NAV3: variants seen among roughly 807,000 people sequenced by gnomAD.
NAV3 encodes pore membrane and/or filament interacting like protein 1.
NAV3 carries 87 observed loss-of-function variants against 244.7 expected under a neutral mutation model. That is an observed-to-expected ratio of 0.36 (90% CI 0.30 to 0.42). NAV3 has a LOEUF of 0.42. Ranked by LOEUF, NAV3 falls within the 20% of genes least tolerant of loss-of-function variation. The pLI is 1.00. For missense variants in NAV3, 2,663 were observed against 2,893.3 expected (o/e 0.92, Z 1.83); for synonymous variants, 1,126 against 1,042.2 (o/e 1.08, Z -1.55).
At chr12:77,820,826 A>G (rs762594576) in intron 2 of NAV3, among the ~76,000 whole-genome samples, 3 of 152,196 alleles carry the variant, frequency 2.0e-5, no homozygotes, top group Non-Finnish European at 4.4e-5. Flanking sequence ...AAATGGTGCC[A>G]TAAGATTTCC....
intron 1 of NAV3, among the ~76,000 whole-genome samples, chr12:77,847,448 T>G (rs1876829426): frequency 6.6e-6 from 1 of 152,156 alleles, no homozygotes; most frequent in Admixed American, 6.6e-5. Flanking sequence ...TTAGCTCTTA[T>G]GTATGATCTA....
At chr12:77,762,501 G>A (rs934366013) in intron 2 of NAV3, among the ~76,000 whole-genome samples, 2 of 152,148 alleles carry the variant, frequency 1.3e-5, no homozygotes, top group African/African-American at 4.8e-5. Flanking sequence ...TACTCAGGAG[G>A]CTGTGGCAGG....
intron 2 of NAV3, among the ~76,000 whole-genome samples, chr12:77,680,089 G>T (rs1485366898): frequency 6.6e-6 from 1 of 152,138 alleles, no homozygotes; most frequent in Non-Finnish European, 1.5e-5. Flanking sequence ...GTTATACTGA[G>T]GGAGGAAGAA....
intron 2 of NAV3, among the ~76,000 whole-genome samples, chr12:77,778,566 C>G (rs572575812): frequency 2.0e-5 from 3 of 148,258 alleles, no homozygotes; most frequent in Non-Finnish European, 4.4e-5. Context: ...GAACTGAGAT[C>G]GCGCCACTGC....
intron 2 of NAV3, among the ~76,000 whole-genome samples, chr12:77,788,039 C>T (rs974003815): frequency 2.6e-5 from 4 of 152,092 alleles, no homozygotes; most frequent in Non-Finnish European, 1.5e-5. Flanking sequence ...GCTGGATTAC[C>T]AGTGTTGGGG....
chr12:77,743,943 C>T (rs1342262261), intron 2 of NAV3, among the ~76,000 whole-genome samples: 1 of 151,678 alleles, frequency 6.6e-6, no homozygotes, highest in Admixed American at 6.6e-5. Context: ...GATGGTATTA[C>T]TTAATGACAC....
chr12:78,061,660 G>T (rs905128126), intron 12 of NAV3, among the ~76,000 whole-genome samples: 1 of 151,798 alleles, frequency 6.6e-6, no homozygotes, highest in African/African-American at 2.4e-5. Flanking sequence ...TAAAATACAT[G>T]GTCTTAAATG....
chr12:77,669,240 G>T (rs189274987), intron 2 of NAV3, among the ~76,000 whole-genome samples: 2 of 151,902 alleles, frequency 1.3e-5, no homozygotes, highest in African/African-American at 4.8e-5. Context: ...CACCAAAATC[G>T]GACCTCCTTA....
In NAV3 at chr12:77,785,577, T is replaced by A. The variant is rs532113525; in HGVS notation, c.73-154742T>A. On this transcript the variant is annotated intron_variant, in intron 2 of 8. Coordinates refer to the NAV3 transcript ENST00000550042. The stretch of plus-strand genomic sequence containing the variant: ...TGATAACAAATTGCTGTATTAGGGA[T>A]AGGTTCAAGGAGAAAGCAGAAACTG... Among the ~76,000 whole-genome samples, 6 of 152,212 alleles carry A rather than the reference T, an allele frequency of 3.9e-5. No homozygotes were observed. The South Asian group carries it at 6.2e-4, about 16-fold the overall frequency.
At chr12:78,140,405 C>T in intron 20 of NAV3, 71 bp downstream of exon 20, 1 of 1,262,442 alleles carries the variant, frequency 7.9e-7, no homozygotes, top group Non-Finnish European at 1.2e-6. Context: ...GATCATTTTA[C>T]TGTGAACAGA....
At position 77,854,659 on chromosome 12, in the gene NAV3, C is replaced by T. The variant is rs1462098479; in HGVS notation, c.243+22955C>T. Among the ~76,000 whole-genome samples the T allele has an allele frequency of 3.9e-5, 6 of 151,966 alleles. No homozygotes were observed. The South Asian group carries it at 1.2e-3, about 32-fold the overall frequency. On this transcript the variant is annotated intron_variant, in intron 1 of 39. Transcript: ENST00000397909. Reference sequence around the variant, plus strand: ...AATAAATGTGCCAGAATATTTGTGGCACTTATCCTAGAAAACAACATATAA... The same window carrying T: ...AATAAATGTGCCAGAATATTTGTGGTACTTATCCTAGAAAACAACATATAA...
At chr12:77,693,381 A>G (rs1375187922) in intron 2 of NAV3, among the ~76,000 whole-genome samples, 2 of 151,984 alleles carry the variant, frequency 1.3e-5, no homozygotes, top group South Asian at 2.1e-4. Flanking sequence ...CTTGCTATGT[A>G]CAATATTCTG....
At chr12:77,594,569 A>T (rs1870082320) in intron 2 of NAV3, among the ~76,000 whole-genome samples, 1 of 152,192 alleles carries the variant, frequency 6.6e-6, no homozygotes. Flanking sequence ...TTAACATGCC[A>T]GATTAGGGTT....
chr12:78,018,866 C>G (rs2619054), intron 8 of NAV3, among the ~76,000 whole-genome samples: 79,405 of 151,848 alleles, frequency 0.52, 21,020 homozygotes, highest in Non-Finnish European at 0.54. Context: ...ATAGGTTAGG[C>G]AAGAGGTCAG....
intron 2 of NAV3, among the ~76,000 whole-genome samples, chr12:77,695,806 A>G (rs1235082806): frequency 6.6e-6 from 1 of 152,044 alleles, no homozygotes; most frequent in African/African-American, 2.4e-5. Flanking sequence ...TTAATATATT[A>G]AAGGGAGAAC....
chr12:78,101,297 T>C (rs1490879777), intron 12 of NAV3, among the ~76,000 whole-genome samples: 1 of 152,142 alleles, frequency 6.6e-6, no homozygotes, highest in East Asian at 1.9e-4. Flanking sequence ...AACACAGATG[T>C]GGAAGAGGTA....
chr12:77,961,468 A>C (rs1030385649), intron 3 of NAV3, among the ~76,000 whole-genome samples: 22 of 135,990 alleles, frequency 1.6e-4, no homozygotes, highest in Non-Finnish European at 3.1e-4. Flanking sequence ...ATATATACAT[A>C]TGTATCTATT....
At chr12:77,611,409 G>A (rs696455) in intron 2 of NAV3, among the ~76,000 whole-genome samples, 27,552 of 151,694 alleles carry the variant, frequency 0.18, 3,348 homozygotes, top group African/African-American at 0.34. Flanking sequence ...GAGGACAGGC[G>A]AAATATTGAT....
intron 30 of NAV3, among the ~76,000 whole-genome samples, chr12:78,182,826 C>T (rs1162276270): frequency 1.3e-5 from 2 of 151,826 alleles, no homozygotes; most frequent in Non-Finnish European, 2.9e-5. Context: ...TTAAATCACA[C>T]AACCAGAATA....
Sources: allele counts gnomAD v4.1 joint callset (sites outside exome capture counted in the v4.1 genomes callset), GRCh38; gene constraint gnomAD v4.1.1; transcripts MANE v1.5; gene names NCBI Gene and HGNC (gene_info 2026-07-23, HGNC 2026-07-21).